The following PALM2AKAP2 variants were observed in gnomAD, a reference collection of about 807,000 sequenced individuals.
The protein encoded by PALM2AKAP2 is PALM2 and AKAP2 fusion, also known as PALM2-AKAP2 fusion protein.
PALM2AKAP2 carries 37 observed loss-of-function variants against 71.5 expected under a neutral mutation model. That is an observed-to-expected ratio of 0.52 (90% confidence interval 0.40 to 0.68). The LOEUF (loss-of-function observed/expected upper bound fraction) is 0.68. Ranked by LOEUF, PALM2AKAP2 falls within the 30% of genes least tolerant of loss-of-function variation. The pLI is 0.00. For synonymous variants in PALM2AKAP2, 468 were observed against 478.8 expected (o/e 0.98, Z 0.29); for missense variants, 1,224 against 1,191.8 (o/e 1.03, Z -0.40).
At chr9:109,780,108 T>G (rs1422780716), upstream of PALM2AKAP2, among the ~76,000 whole-genome samples, 3 of 150,590 alleles carry the variant, frequency 2.0e-5, no homozygotes, top group Non-Finnish European at 3.0e-5. Context: ...CGGCCTCGGG[T>G]CCATCACACT....
intron 1 of PALM2AKAP2, among the ~76,000 whole-genome samples, chr9:109,794,017 C>A (rs999436470): frequency 1.3e-5 from 2 of 152,172 alleles, no homozygotes; most frequent in Admixed American, 1.3e-4. Context: ...TTCTACATGG[C>A]GTATTTCAAT....
intron 1 of PALM2AKAP2, among the ~76,000 whole-genome samples, chr9:109,854,326 A>C (rs1326690760): frequency 1.3e-5 from 2 of 152,228 alleles, no homozygotes; most frequent in African/African-American, 4.8e-5. Flanking sequence ...ATTAGGAAAC[A>C]TATCTATTTA....
chr9:109,780,579 G>C, intron 1 of PALM2AKAP2, 46 bp downstream of exon 1: 1 of 1,612,634 alleles, frequency 6.2e-7, no homozygotes, highest in African/African-American at 1.3e-5. Flanking sequence ...GTCTGGGGTG[G>C]AAGGGGGCCC....
chr9:109,680,650 C>A (rs1043957354), intron 1 of PALM2AKAP2, among the ~76,000 whole-genome samples: 2 of 152,088 alleles, frequency 1.3e-5, no homozygotes, highest in Non-Finnish European at 2.9e-5. Flanking sequence ...TATTGTAAGG[C>A]ATGTATTTTT....
intron 1 of PALM2AKAP2, among the ~76,000 whole-genome samples, chr9:109,671,364 C>G (rs761697313): frequency 1.3e-5 from 2 of 152,212 alleles, no homozygotes; most frequent in Non-Finnish European, 1.5e-5. Context: ...ATAGAGATTT[C>G]TTTCCTTATT....
intron 1 of PALM2AKAP2, among the ~76,000 whole-genome samples, chr9:110,108,591 T>A (rs979588623): frequency 2.0e-5 from 3 of 152,252 alleles, no homozygotes; most frequent in African/African-American, 7.2e-5. Flanking sequence ...TCCATTTACC[T>A]AGATTCTGTT....
At chr9:109,837,784 G>A (rs1428218199) in intron 1 of PALM2AKAP2, among the ~76,000 whole-genome samples, 1 of 152,108 alleles carries the variant, frequency 6.6e-6, no homozygotes, top group Non-Finnish European at 1.5e-5. Flanking sequence ...GACAAAGAAG[G>A]CCATTACATA....
At chr9:109,674,761 G>A (rs923472703) in intron 1 of PALM2AKAP2, among the ~76,000 whole-genome samples, 5 of 152,010 alleles carry the variant, frequency 3.3e-5, no homozygotes, top group Non-Finnish European at 1.5e-5. Flanking sequence ...AATCACATAT[G>A]TTTTTAAGAA....
chr9:109,729,427 G>A (rs1459606607), intron 1 of PALM2AKAP2, among the ~76,000 whole-genome samples: 4 of 152,282 alleles, frequency 2.6e-5, no homozygotes, highest in Admixed American at 1.3e-4. Flanking sequence ...GGATTGGATC[G>A]CTTCCACAGG....
chr9:109,677,025 G>T (rs1228867057), intron 1 of PALM2AKAP2, among the ~76,000 whole-genome samples: 1 of 152,092 alleles, frequency 6.6e-6, no homozygotes, highest in South Asian at 2.1e-4. Context: ...CCGAAATAAG[G>T]GTCACAAAAG....
chr9:109,663,117 T>A, intron 1 of PALM2AKAP2, among the ~76,000 whole-genome samples: 1 of 152,190 alleles, frequency 6.6e-6, no homozygotes, highest in East Asian at 1.9e-4. Context: ...TCTACCAATT[T>A]TGTTGATCTT....
At chr9:109,812,920 T>A (rs1827761835) in intron 1 of PALM2AKAP2, among the ~76,000 whole-genome samples, 1 of 152,082 alleles carries the variant, frequency 6.6e-6, no homozygotes, top group Non-Finnish European at 1.5e-5. Context: ...GGGAAGTGCT[T>A]GGGAAAATGC....
chr9:110,028,525 T>C (rs1315046964), intron 7 of PALM2AKAP2, among the ~76,000 whole-genome samples: 1 of 152,216 alleles, frequency 6.6e-6, no homozygotes, highest in Admixed American at 6.5e-5. Context: ...TCTACAGATG[T>C]GGTGGCTGTG....
chr9:110,136,265 T>C (rs1835862632), exon 2 of PALM2AKAP2: 2 of 1,614,190 alleles, frequency 1.2e-6, no homozygotes, highest in Non-Finnish European at 1.7e-6. Flanking sequence ...TGTTGCAGAA[T>C]GTAAAAGTGT....
At chr9:110,052,854 G>T (rs915497207) in intron 1 of PALM2AKAP2, among the ~76,000 whole-genome samples, 1 of 152,194 alleles carries the variant, frequency 6.6e-6, no homozygotes, top group Non-Finnish European at 1.5e-5. Context: ...TTATGGAACT[G>T]TAATTGTGGA....
intron 6 of PALM2AKAP2, among the ~76,000 whole-genome samples, chr9:109,998,781 A>AG (rs1832623898): frequency 6.7e-6 from 1 of 148,336 alleles, no homozygotes; most frequent in Non-Finnish European, 1.5e-5. Flanking sequence ...AAAAAAAAAA[A>AG]AGGGGGGATA....
At chr9:109,911,044 A>G (rs1564206397) in intron 3 of PALM2AKAP2, among the ~76,000 whole-genome samples, 1 of 152,154 alleles carries the variant, frequency 6.6e-6, no homozygotes. Context: ...TTAATGGGGT[A>G]TCCTCCCAGA....
At chr9:110,013,805 T>C (rs1042217728) in intron 6 of PALM2AKAP2, among the ~76,000 whole-genome samples, 1 of 152,224 alleles carries the variant, frequency 6.6e-6, no homozygotes, top group African/African-American at 2.4e-5. Flanking sequence ...ACTTAAAGCA[T>C]CATGTAATTT....
At chr9:109,687,209 T>G (rs1422300896) in intron 1 of PALM2AKAP2, among the ~76,000 whole-genome samples, 2 of 152,162 alleles carry the variant, frequency 1.3e-5, no homozygotes, top group African/African-American at 2.4e-5. Context: ...TAGCCTCAAT[T>G]TAAAGTCACC....
Sources: allele counts gnomAD v4.1 joint callset (sites outside exome capture counted in the v4.1 genomes callset), GRCh38; gene constraint gnomAD v4.1.1; transcripts MANE v1.5; gene names NCBI Gene and HGNC (gene_info 2026-07-23, HGNC 2026-07-21).